Variants in PDHB observed in about 807,000 individuals in gnomAD.
PDHB encodes pyruvate dehydrogenase E1 subunit beta.
Under a neutral mutation model 42.8 loss-of-function variants are expected in PDHB, and 17 were observed. That is an observed-to-expected ratio of 0.40 (90% confidence interval 0.27 to 0.60). The LOEUF (loss-of-function observed/expected upper bound fraction) is 0.60, where lower values mean the gene tolerates loss of function less well. PDHB is among the 20% of genes least tolerant of loss of function. PDHB has a pLI of 0.46. For synonymous variants in PDHB, 154 were observed against 148.7 expected (o/e 1.04, Z -0.26); for missense variants, 322 against 451.3 (o/e 0.71, Z 2.60).
intron 8 of PDHB, 64 bp from the exon 9 acceptor site, chr3:58,428,678 A>G: frequency 7.2e-7 from 1 of 1,395,674 alleles, no homozygotes; most frequent in Non-Finnish European, 1.0e-6. Context: ...TTATCCCCAT[A>G]ATACCATTTC....
chr3:58,433,433 G>C (rs1408024108), intron 2 of PDHB, 198 bp downstream of exon 2: 3 of 626,504 alleles, frequency 4.8e-6, no homozygotes, highest in Non-Finnish European at 8.5e-6. Flanking sequence ...TGCCCAGCCA[G>C]CTGTGAGGTG....
intron 9 of PDHB, 72 bp from the exon 10 acceptor site, chr3:58,428,251 G>T: frequency 7.0e-7 from 1 of 1,422,020 alleles, no homozygotes; most frequent in Non-Finnish European, 9.9e-7. Context: ...ACAGAGGTGT[G>T]GCTGACCAGG....
intron 6 of PDHB, 72 bp from the exon 7 acceptor site, chr3:58,430,310 TATC>T: frequency 9.8e-7 from 1 of 1,019,582 alleles, no homozygotes; most frequent in Non-Finnish European, 1.5e-6. Context: ...TAGAAAGCAA[TATC>T]ATTCATCTTG....
rs192604927 is a variant in PDHB at position 58,430,856 on chromosome 3, G to A, written c.390C>T (p.Thr130=). 7 of 1,614,072 alleles carry A rather than the reference G, an allele frequency of 4.3e-6. No individual in the cohort carries two copies. In the East Asian group the frequency reaches 1.6e-4, roughly 36 times the overall value. Residue 130 remains threonine, a synonymous_variant, in exon 6 of 10, where the codon ACC becomes ACT. Transcript: ENST00000302746. The part of the protein sequence containing the change: ...IDQVINSAAK[T]YYMSGGLQPV... ...GCTGAAGGCCACCAGACATGTAGTAGGTCTTGGCAGCTGAGTTTATAACCT... is the reference window on the plus strand; with the variant it reads ...GCTGAAGGCCACCAGACATGTAGTAAGTCTTGGCAGCTGAGTTTATAACCT...
intron 2 of PDHB, chr3:58,433,363 C>T (rs2062940478): frequency 6.7e-6 from 4 of 593,022 alleles, no homozygotes; most frequent in African/African-American, 5.6e-5. Flanking sequence ...TATTTTGCTG[C>T]AATTTAAAGA....
At chr3:58,432,863 G>A (rs1345946279) in intron 2 of PDHB, 1 of 152,258 alleles carries the variant, frequency 6.6e-6, no homozygotes, top group Non-Finnish European at 1.5e-5. Context: ...GCCCGGTGTG[G>A]TGGCACCGGC....
chr3:58,428,118 C>G lies in PDHB; in HGVS notation c.996G>C (p.Met332Ile). 1 of 1,612,334 alleles carries G rather than the reference C, an allele frequency of 6.2e-7. No homozygotes were observed. The highest frequency in any genetic ancestry group is 8.5e-7 in the Non-Finnish European group (1 of 1,178,336). Residue 332 changes from methionine (M) to isoleucine (I), a missense_variant, in exon 10 of 10, where the codon ATG becomes ATC. By Grantham distance (10) the Met-to-Ile change is conservative (BLOSUM62 1). Transcript: ENST00000302746. The stretch of plus-strand genomic sequence containing the variant: ...TGTCCTCTAGAATCTTTGCATAAGG[C>G]ATAGGGACATCAGCACCAGTGACAC... ...AVRVTGADVPMPYAKILEDNS... is the reference protein window; with the variant it reads ...AVRVTGADVPIPYAKILEDNS...
chr3:58,432,130 A>T (rs1159577657), intron 2 of PDHB, 146 bp from the exon 3 acceptor site: 1 of 696,246 alleles, frequency 1.4e-6, no homozygotes, highest in Non-Finnish European at 2.6e-6. Context: ...AAGAATTCTA[A>T]AAGTAACATT....
Position 58,431,139 on chromosome 3 carries a change from G to T in PDHB, c.304-197C>A. 1 of 617,986 alleles carries T rather than the reference G, an allele frequency of 1.6e-6. No homozygotes were observed. Among genetic ancestry groups the T allele is most frequent in the Non-Finnish European group, 2.9e-6 (1 of 349,616 alleles). 38.3% of individuals were successfully genotyped at this position (617,986 alleles called of 1,614,324 possible). ...GCTCACTGCAGCCTCTAACTCCTAGGCTCAAGTAATCCTTCCTCAGCATCC... is the reference window on the plus strand; with the variant it reads ...GCTCACTGCAGCCTCTAACTCCTAGTCTCAAGTAATCCTTCCTCAGCATCC... On this transcript the variant is annotated intron_variant, in intron 5 of 9. Transcript: ENST00000302746. This position sits in a 1 kb window ranked among gnomAD's most constrained non-coding sequence, Gnocchi z 4.4.
chr3:58,428,064 TATG>T lies in PDHB; in HGVS notation c.1047_1049del (p.Ile350del). On this transcript the variant is annotated inframe_deletion, in exon 10 of 10. Coordinates refer to ENST00000302746, the MANE Select transcript of PDHB (RefSeq NM_000925.4). The stretch of plus-strand genomic sequence containing the variant: ...TATTTAATGTTTTCTTTATTGCAAA[TATG>T]ATGTCTTTGACCTGAGGTATAGAGT... 1.2e-6 allele frequency: 2 copies of T among 1,609,074 alleles called. No homozygotes were observed. The highest frequency in any genetic ancestry group is 1.7e-6 in the Non-Finnish European group (2 of 1,175,330).
chr3:58,431,494 G>T lies in PDHB; in HGVS notation c.303+99C>A. On this transcript the variant is annotated intron_variant, in intron 5 of 9. Coordinates refer to ENST00000302746, the MANE Select transcript of PDHB (RefSeq NM_000925.4). This position sits in a 1 kb window ranked among gnomAD's most constrained non-coding sequence, Gnocchi z 4.4. ...ACCTGGAAGCTGAGATGGTGCCAGT[G>T]CACTCCAGGCTGGACAACAGAGTGA... 1.1e-6 allele frequency: 1 copy of T among 929,070 alleles called. No individual in the cohort carries two copies. Among genetic ancestry groups the T allele is most frequent in the Non-Finnish European group, 1.8e-6 (1 of 564,056 alleles). The allele number at this position is 929,070 out of a possible 1,614,324, so 57.6% of individuals were successfully genotyped here. A position where few individuals can be genotyped will look rare whatever the true frequency, so the allele number is the denominator to read the frequency against.
chr3:58,428,432 T>A (rs1173401034), intron 9 of PDHB, 41 bp downstream of exon 9: 2 of 1,604,356 alleles, frequency 1.2e-6, no homozygotes, highest in Admixed American at 3.3e-5. Flanking sequence ...TGATGTTTAC[T>A]ATAGCTTGAC....
Position 58,431,158 on chromosome 3 carries a change from A to C in PDHB, c.304-216T>G. 1 of 588,598 alleles carries C rather than the reference A, an allele frequency of 1.7e-6. No homozygotes were observed. The highest frequency in any genetic ancestry group is 3.0e-6 in the Non-Finnish European group (1 of 331,974). 36.5% of individuals were successfully genotyped at this position (588,598 alleles called of 1,614,324 possible). A position where few individuals can be genotyped will look rare whatever the true frequency, so the allele number is the denominator to read the frequency against. Reference sequence around the variant, plus strand: ...TCCTAGGCTCAAGTAATCCTTCCTCAGCATCCCGAGTAGCTGGGACTGCAG... The same window carrying C: ...TCCTAGGCTCAAGTAATCCTTCCTCCGCATCCCGAGTAGCTGGGACTGCAG... On this transcript the variant is annotated intron_variant, in intron 5 of 9. Coordinates refer to ENST00000302746, the MANE Select transcript of PDHB (RefSeq NM_000925.4). The surrounding 1 kb of genome is among the most constrained non-coding windows in gnomAD (Gnocchi z 4.4).
intron 2 of PDHB, chr3:58,432,218 G>A (rs909956199): frequency 4.3e-5 from 23 of 537,534 alleles, no homozygotes; most frequent in Admixed American, 1.9e-4. Context: ...CAAATACTTT[G>A]CATCCAGAAT....
intron 8 of PDHB, chr3:58,428,847 C>T (rs747996211): frequency 1.9e-6 from 1 of 538,438 alleles, no homozygotes; most frequent in Non-Finnish European, 3.3e-6. Context: ...ATTCATTTAT[C>T]TTCCTTCACT....
intron 8 of PDHB, 192 bp from the exon 9 acceptor site, chr3:58,428,806 T>A (rs1475845744): frequency 1.6e-6 from 1 of 606,254 alleles, no homozygotes; most frequent in African/African-American, 1.8e-5. Context: ...GATCTGTATG[T>A]CTACCACAAG....
Position 58,431,494 on chromosome 3 carries a change from G to A in PDHB, c.303+99C>T. 1 of 929,072 alleles carries A rather than the reference G, an allele frequency of 1.1e-6. No homozygotes were observed. Among genetic ancestry groups the A allele is most frequent in the Non-Finnish European group, 1.8e-6 (1 of 564,056 alleles). 57.6% of individuals were successfully genotyped at this position (929,072 alleles called of 1,614,324 possible). A position where few individuals can be genotyped will look rare whatever the true frequency, so the allele number is the denominator to read the frequency against. ...ACCTGGAAGCTGAGATGGTGCCAGTGCACTCCAGGCTGGACAACAGAGTGA... is the reference window on the plus strand; with the variant it reads ...ACCTGGAAGCTGAGATGGTGCCAGTACACTCCAGGCTGGACAACAGAGTGA... On this transcript the variant is annotated intron_variant, in intron 5 of 9. Coordinates refer to ENST00000302746, the MANE Select transcript of PDHB (RefSeq NM_000925.4). The surrounding 1 kb of genome is among the most constrained non-coding windows in gnomAD (Gnocchi z 4.4).
intron 7 of PDHB, 62 bp downstream of exon 7, chr3:58,430,066 A>T: frequency 9.6e-7 from 1 of 1,037,352 alleles, no homozygotes; most frequent in Non-Finnish European, 1.5e-6. Context: ...CTTCTAGATT[A>T]AATTTTACCA....
chr3:58,430,646 C>G lies in PDHB; in HGVS notation c.589+11G>C, dbSNP rs775723468. ...AATCTTCAAAAAAAACCAAAGGGTC[C>G]CTGTGCTGACCTGGATTGTTATCCC... On this transcript the variant is annotated intron_variant, in intron 6 of 9. Transcript: ENST00000302746. The G allele has an allele frequency of 6.2e-7, 1 of 1,611,414 alleles. No homozygotes were observed. The highest frequency in any genetic ancestry group is 1.1e-5 in the South Asian group (1 of 90,992).
Sources: gnomAD v4.1 joint callset for allele counts on GRCh38, gnomAD v4.1.1 for gene constraint, Gnocchi (gnomAD v3.1) non-coding constraint, MANE v1.5 for transcripts, NCBI Gene and HGNC (gene_info 2026-07-23, HGNC 2026-07-21) for gene names.